Variants in KAZN observed in about 807,000 individuals in gnomAD.
KAZN encodes kazrin, periplakin interacting protein.
A neutral mutation model predicts 87.4 loss-of-function variants in KAZN; 40 were observed. The ratio of observed to expected loss-of-function variants is 0.46; its 90% CI spans 0.36 to 0.60. The LOEUF is 0.60. Ranked by LOEUF, KAZN falls within the 20% of genes least tolerant of loss-of-function variation. KAZN has a pLI of 0.00. For missense variants in KAZN, 898 were observed against 1,073.9 expected (o/e 0.84, Z 2.29); for synonymous variants, 466 against 458.3 (o/e 1.02, Z -0.22).
intron 1 of KAZN, among the ~76,000 whole-genome samples, chr1:14,071,001 C>T (rs912983451): frequency 2.0e-5 from 3 of 152,146 alleles, no homozygotes; most frequent in African/African-American, 7.2e-5. Context: ...CTGAGTCTCC[C>T]TGACTGCAGC....
intron 2 of KAZN, among the ~76,000 whole-genome samples, chr1:14,484,019 C>T (rs780598988): frequency 4.6e-5 from 7 of 152,168 alleles, no homozygotes; most frequent in African/African-American, 7.2e-5. Flanking sequence ...TTAAAGAGAT[C>T]GTCTTCTCCT....
chr1:14,500,280 C>T (rs1450889062), intron 2 of KAZN, among the ~76,000 whole-genome samples: 1 of 152,088 alleles, frequency 6.6e-6, no homozygotes, highest in African/African-American at 2.4e-5. Context: ...CAGAGCCGTG[C>T]TGCAGTGGGA....
chr1:13,952,455 C>T lies in KAZN; in HGVS notation c.91+58699C>T, dbSNP rs142270417. Among the ~76,000 whole-genome samples, 647 of 151,998 alleles carry T rather than the reference C, an allele frequency of 4.3e-3. 3 individuals are homozygous for T. The highest frequency in any genetic ancestry group is 0.015 in the African/African-American group (621 of 41,460). On this transcript the variant is annotated intron_variant, in intron 1 of 16. Transcript: ENST00000636203. Reference sequence around the variant, plus strand: ...GGCCAGCACAGGGCTGGACAATTGGCCTGGGAGGCTCAGAGCTTCGCAATT... The same window carrying T: ...GGCCAGCACAGGGCTGGACAATTGGTCTGGGAGGCTCAGAGCTTCGCAATT...
intron 10 of KAZN, among the ~76,000 whole-genome samples, chr1:15,100,123 G>A (rs1214159360): frequency 1.3e-5 from 2 of 152,162 alleles, no homozygotes; most frequent in Non-Finnish European, 2.9e-5. Flanking sequence ...TGGAGAATTT[G>A]GGAGCCCTCC....
chr1:14,692,081 G>T, intron 1 of KAZN: 2 of 290,858 alleles, frequency 6.9e-6, no homozygotes, highest in Non-Finnish European at 1.3e-5. Context: ...ATTGTAAAAT[G>T]GGCCCCAGGA....
intron 2 of KAZN, among the ~76,000 whole-genome samples, chr1:14,364,663 C>CA (rs1420336887): frequency 6.6e-6 from 1 of 152,178 alleles, no homozygotes; most frequent in Non-Finnish European, 1.5e-5. Context: ...TAATGTACCA[C>CA]AAACTGGGTG....
intron 2 of KAZN, among the ~76,000 whole-genome samples, chr1:14,401,738 A>G (rs1314137992): frequency 6.6e-6 from 1 of 152,206 alleles, no homozygotes; most frequent in Non-Finnish European, 1.5e-5. Flanking sequence ...AATATAATTC[A>G]TTTATTATAG....
Position 13,975,223 on chromosome 1 carries a change from C to T in KAZN, c.91+81467C>T, listed in dbSNP as rs1239650591. 3.3e-5 allele frequency among the ~76,000 whole-genome samples: 5 copies of T among 152,260 alleles called. No individual in the cohort carries two copies. In the East Asian group the frequency reaches 7.7e-4, roughly 24 times the overall value. ...CCACATGTATTTGGATCGAATTTGG[C>T]ACTTTCTGTCATTACTCAGAAGGCA... On this transcript the variant is annotated intron_variant, in intron 1 of 16. Transcript: ENST00000636203.
intron 2 of KAZN, among the ~76,000 whole-genome samples, chr1:14,520,137 G>T (rs1476135897): frequency 6.6e-6 from 1 of 152,180 alleles, no homozygotes; most frequent in Non-Finnish European, 1.5e-5. Flanking sequence ...GGCCAGTATG[G>T]CTCATGGATG....
chr1:14,704,126 C>T (rs1642079470), intron 1 of KAZN, among the ~76,000 whole-genome samples: 2 of 152,196 alleles, frequency 1.3e-5, no homozygotes, highest in Admixed American at 1.3e-4. Flanking sequence ...CCCTCTACCT[C>T]CCCTGGGATG....
intron 2 of KAZN, among the ~76,000 whole-genome samples, chr1:15,006,912 C>A (rs1433482188): frequency 6.6e-6 from 1 of 151,952 alleles, no homozygotes; most frequent in East Asian, 1.9e-4. Flanking sequence ...AAAAAACTAG[C>A]CGGGCATGGT....
intron 10 of KAZN, among the ~76,000 whole-genome samples, chr1:15,100,340 G>C (rs1641002554): frequency 6.6e-6 from 1 of 152,190 alleles, no homozygotes; most frequent in Non-Finnish European, 1.5e-5. Context: ...GCAGGAGGGT[G>C]GCATGACAAG....
intron 1 of KAZN, among the ~76,000 whole-genome samples, chr1:14,635,041 G>A (rs1679858527): frequency 6.6e-6 from 1 of 152,198 alleles, no homozygotes; most frequent in African/African-American, 2.4e-5. Flanking sequence ...GAGGGGGAAG[G>A]GAATGGTACC....
chr1:14,915,110 C>T (rs1434730562), intron 1 of KAZN, among the ~76,000 whole-genome samples: 1 of 152,178 alleles, frequency 6.6e-6, no homozygotes, highest in Admixed American at 6.5e-5. Flanking sequence ...TTGCTTGAAC[C>T]TGGGAGGCGG....
chr1:14,100,309 G>A (rs532303277), intron 1 of KAZN, among the ~76,000 whole-genome samples: 4 of 152,158 alleles, frequency 2.6e-5, no homozygotes, highest in East Asian at 1.9e-4. Context: ...ATTGAAATCC[G>A]CAGCTCGACC....
At chr1:14,720,811 G>C (rs1643057112) in intron 1 of KAZN, among the ~76,000 whole-genome samples, 1 of 152,140 alleles carries the variant, frequency 6.6e-6, no homozygotes, top group Non-Finnish European at 1.5e-5. Flanking sequence ...CTGCCTACCA[G>C]GTTCAAGTGA....
At chr1:14,494,194 TG>T (rs1396302050) in intron 2 of KAZN, among the ~76,000 whole-genome samples, 10 of 152,230 alleles carry the variant, frequency 6.6e-5, no homozygotes, top group African/African-American at 1.9e-4. Flanking sequence ...AGCAAGTCCC[TG>T]TCCCCATAGA....
At chr1:14,488,172 A>G (rs1465409329) in intron 2 of KAZN, among the ~76,000 whole-genome samples, 1 of 152,186 alleles carries the variant, frequency 6.6e-6, no homozygotes, top group Non-Finnish European at 1.5e-5. Flanking sequence ...GCCCAGACTT[A>G]AGACTCTTCA....
At chr1:14,801,275 T>C (rs1646009568) in intron 1 of KAZN, among the ~76,000 whole-genome samples, 1 of 152,072 alleles carries the variant, frequency 6.6e-6, no homozygotes, top group Non-Finnish European at 1.5e-5. Context: ...GAAATGTGCG[T>C]CTCTCCTGAG....
Sources: gnomAD v4.1 joint callset for allele counts (sites outside exome capture counted in the v4.1 genomes callset) on GRCh38, gnomAD v4.1.1 for gene constraint, MANE v1.5 for transcripts, NCBI Gene and HGNC (gene_info 2026-07-23, HGNC 2026-07-21) for gene names.